Variants in SH3BP2 observed in about 807,000 individuals in gnomAD.
The protein encoded by SH3BP2 is SH3 domain binding protein 2.
In SH3BP2, 38 loss-of-function variants were observed where a neutral mutation model predicts 56.2. The ratio of observed to expected loss-of-function variants is 0.68; its 90% CI spans 0.52 to 0.89. The LOEUF is 0.89. Among genes scored for constraint, SH3BP2 ranks in the 40% least tolerant of loss-of-function variants. The pLI, the probability that SH3BP2 is intolerant of heterozygous loss-of-function variation, is 0.00. For missense variants in SH3BP2, 748 were observed against 762.6 expected, an observed-to-expected ratio of 0.98 and a Z score of 0.23; for synonymous variants, 346 against 316.7, an observed-to-expected ratio of 1.09 and a Z score of -0.98.
At chr4:2,819,704 A>C (rs946293196) in intron 1 of SH3BP2, among the ~76,000 whole-genome samples, 9 of 146,050 alleles carry the variant, frequency 6.2e-5, no homozygotes, top group Admixed American at 5.8e-4. Context: ...TTAAGTGGGC[A>C]ATGAGGGTGC....
At chr4:2,811,237 C>T (rs1301612330) in intron 1 of SH3BP2, among the ~76,000 whole-genome samples, 1 of 152,218 alleles carries the variant, frequency 6.6e-6, no homozygotes, top group Non-Finnish European at 1.5e-5. Flanking sequence ...CAGCTTGGGA[C>T]CTGCACAGCC....
chr4:2,834,484 C>G lies in SH3BP2; in HGVS notation c.*650C>G, dbSNP rs1437178372. Reference sequence around the variant, plus strand: ...AGATCAGGACCCAAACTTGGGCAGTCTGGGCTGGGAGCCCACACCCCACTC... The same window carrying G: ...AGATCAGGACCCAAACTTGGGCAGTGTGGGCTGGGAGCCCACACCCCACTC... On this transcript the variant is annotated 3_prime_UTR_variant, in exon 13 of 13. Coordinates refer to ENST00000503393, the MANE Select transcript of SH3BP2 (RefSeq NM_001122681.2). 6.6e-6 allele frequency: 1 copy of G among 152,562 alleles called. No homozygotes were observed. The highest frequency in any genetic ancestry group is 1.5e-5 in the Non-Finnish European group (1 of 68,382). The allele number at this position is 152,562 out of a possible 1,614,324, so 9.5% of individuals were successfully genotyped here.
In SH3BP2 at chr4:2,793,103, G is replaced by T. The variant is rs1460016182; in HGVS notation, c.-40G>T. The stretch of plus-strand genomic sequence containing the variant: ...GGCGGCCGAGTCAAGCCGCCGCCTC[G>T]ACCCAGGGCCCGCGGGCCAGGAGAG... On this transcript the variant is annotated 5_prime_UTR_variant, in exon 1 of 13. Coordinates refer to ENST00000503393, the MANE Select transcript of SH3BP2 (RefSeq NM_001122681.2). 3 of 150,596 alleles carry T rather than the reference G, an allele frequency of 2.0e-5. No homozygotes were observed. In the South Asian group the frequency reaches 5.9e-4, roughly 29 times the overall value. The allele number at this position is 150,596 out of a possible 1,614,324, so 9.3% of individuals were successfully genotyped here. A position where few individuals can be genotyped will look rare whatever the true frequency, so the allele number is the denominator to read the frequency against.
intron 1 of SH3BP2, among the ~76,000 whole-genome samples, chr4:2,804,665 C>T (rs1359887597): frequency 6.6e-6 from 1 of 152,214 alleles, no homozygotes; most frequent in Non-Finnish European, 1.5e-5. Context: ...GGGCCCACCC[C>T]CACTGTCCTT....
In SH3BP2 at chr4:2,798,759, C is replaced by A. The variant is rs528040898; in HGVS notation, c.-5+5621C>A. On this transcript the variant is annotated intron_variant, in intron 1 of 12. Transcript: ENST00000503393. ...CCCCGAGCTGGGGGAAGTGACTTCC[C>A]GTTGCCATCACCTCTTGTGGCCTCA... is the stretch of plus-strand genomic sequence containing the variant. Among the ~76,000 whole-genome samples the A allele has an allele frequency of 8.9e-4, 135 of 152,336 alleles. 2 individuals are homozygous for A. In the South Asian group the frequency reaches 0.013, roughly 14 times the overall value.
chr4:2,832,668 C>T (rs891515078), intron 11 of SH3BP2, among the ~76,000 whole-genome samples: 10 of 152,170 alleles, frequency 6.6e-5, no homozygotes, highest in Admixed American at 1.3e-4. Flanking sequence ...TCTGGGGTGG[C>T]GGAGGCCACA....
chr4:2,815,160 C>G (rs1723940417), intron 1 of SH3BP2, among the ~76,000 whole-genome samples: 1 of 152,182 alleles, frequency 6.6e-6, no homozygotes, highest in Non-Finnish European at 1.5e-5. Context: ...CCCTCAGCCT[C>G]AGCCGACCTT....
intron 1 of SH3BP2, among the ~76,000 whole-genome samples, chr4:2,820,401 G>A (rs1724234820): frequency 6.6e-6 from 1 of 152,158 alleles, no homozygotes; most frequent in Admixed American, 6.5e-5. Flanking sequence ...TGGCTGAGTG[G>A]ACCAGGGGCT....
At chr4:2,802,752 G>A (rs988667878) in intron 1 of SH3BP2, among the ~76,000 whole-genome samples, 6 of 147,272 alleles carry the variant, frequency 4.1e-5, no homozygotes, top group African/African-American at 1.0e-4. Flanking sequence ...GGATCACAGC[G>A]AATGCATTAA....
intron 1 of SH3BP2, among the ~76,000 whole-genome samples, chr4:2,802,458 G>GTA (rs1723329106): frequency 5.0e-5 from 7 of 139,606 alleles, no homozygotes; most frequent in East Asian, 2.2e-4. Flanking sequence ...ATATATGTGT[G>GTA]TGTATATATG....
Position 2,825,117 on chromosome 4 carries a change from G to T in SH3BP2, c.358-9G>T, listed in dbSNP as rs1428605040. 1 of 1,566,780 alleles carries T rather than the reference G, an allele frequency of 6.4e-7. No individual in the cohort carries two copies. The highest frequency in any genetic ancestry group is 8.7e-7 in the Non-Finnish European group (1 of 1,155,542). On this transcript the variant is annotated splice_polypyrimidine_tract_variant and intron_variant, in intron 4 of 12. Transcript: ENST00000503393. The stretch of plus-strand genomic sequence containing the variant: ...GCACCGTGCCCACCACAGCCCCGCT[G>T]ACCTGCAGAGCTGGATGGCCTTGCT...
chr4:2,830,571 C>T (rs1724930987), intron 8 of SH3BP2, among the ~76,000 whole-genome samples: 1 of 152,206 alleles, frequency 6.6e-6, no homozygotes, highest in African/African-American at 2.4e-5. Context: ...CTATGTTGGC[C>T]AGGTTGGTCT....
In SH3BP2 at chr4:2,833,546, AG is replaced by A. The variant is rs1298004897; in HGVS notation, c.1549-149del. 6 of 926,910 alleles carry A rather than the reference AG, an allele frequency of 6.5e-6. No homozygotes were observed. In the African/African-American group the frequency reaches 9.8e-5, roughly 15 times the overall value. 57.4% of individuals were successfully genotyped at this position (926,910 alleles called of 1,614,324 possible). On this transcript the variant is annotated intron_variant, in intron 12 of 12. Coordinates refer to ENST00000503393, the MANE Select transcript of SH3BP2 (RefSeq NM_001122681.2). ...CATGGAGAGCACAGGCCTGATGCGG[AG>A]GCCACCTTGGGGGCACCACCGACAG...
At position 2,825,599 on chromosome 4, in the gene SH3BP2, C is replaced by G. The variant is rs971523010; in HGVS notation, c.428+403C>G. ...ACAGAGCAACACACAGACATGCACA[C>G]ACACACAGAGCATGCACAGGTGTGC... On this transcript the variant is annotated intron_variant, in intron 5 of 12. Coordinates refer to ENST00000503393, the MANE Select transcript of SH3BP2 (RefSeq NM_001122681.2). 2.0e-5 allele frequency among the ~76,000 whole-genome samples: 3 copies of G among 152,176 alleles called. No individual in the cohort carries two copies. In the East Asian group the frequency reaches 5.8e-4, roughly 29 times the overall value.
chr4:2,827,942 G>C (rs914323848), intron 7 of SH3BP2, among the ~76,000 whole-genome samples: 3 of 152,198 alleles, frequency 2.0e-5, no homozygotes, highest in African/African-American at 7.2e-5. Flanking sequence ...GGCCCTGGGG[G>C]TTAAGCATGG....
intron 1 of SH3BP2, chr4:2,817,885 G>T (rs1724070830): frequency 6.6e-6 from 1 of 152,178 alleles, no homozygotes; most frequent in African/African-American, 2.4e-5. Context: ...ATGGGACCTG[G>T]GCGGGGCCTC....
chr4:2,811,584 C>T (rs1354358845), intron 1 of SH3BP2, among the ~76,000 whole-genome samples: 1 of 152,132 alleles, frequency 6.6e-6, no homozygotes, highest in Admixed American at 6.5e-5. Context: ...TGGGAGGGGC[C>T]GAATTCTGAG....
intron 1 of SH3BP2, among the ~76,000 whole-genome samples, chr4:2,816,482 C>CTATGCTGAATAGAAGTAG (rs1335660642): frequency 2.6e-5 from 4 of 152,226 alleles, no homozygotes; most frequent in African/African-American, 9.7e-5. Context: ...ATCTCCAGTA[C>CTATGCTGAATAGAAGTAG]TATGCTGAAT....
At position 2,831,482 on chromosome 4, in the gene SH3BP2, A is replaced by C; in HGVS notation, c.1242-89A>C. On this transcript the variant is annotated intron_variant, in intron 8 of 12. Transcript: ENST00000503393. The surrounding 1 kb of genome is among the most constrained non-coding windows in gnomAD (Gnocchi z 4.1). ...ATAGCAGGCAGCTTGCCGTCCTCACACAGAGGGTGGAGTGGGGAGGGGAGC... is the reference window on the plus strand; with the variant it reads ...ATAGCAGGCAGCTTGCCGTCCTCACCCAGAGGGTGGAGTGGGGAGGGGAGC... 1 of 984,380 alleles carries C rather than the reference A, an allele frequency of 1.0e-6. No homozygotes were observed. The highest frequency in any genetic ancestry group is 1.4e-5 in the South Asian group (1 of 72,528). 61.0% of individuals were successfully genotyped at this position (984,380 alleles called of 1,614,324 possible). A position where few individuals can be genotyped will look rare whatever the true frequency, so the allele number is the denominator to read the frequency against.
Sources: gnomAD v4.1 joint callset for allele counts (sites outside exome capture counted in the v4.1 genomes callset) on GRCh38, gnomAD v4.1.1 for gene constraint, Gnocchi (gnomAD v3.1) non-coding constraint, MANE v1.5 for transcripts, NCBI Gene and HGNC (gene_info 2026-07-23, HGNC 2026-07-21) for gene names.